The following SEM1 variants were observed in gnomAD, a reference collection of about 807,000 sequenced individuals.
SEM1 encodes SEM1 26S proteasome subunit.
SEM1 carries 3 observed loss-of-function variants against 12.7 expected under a neutral mutation model. That is an observed-to-expected ratio of 0.24 (90% CI 0.11 to 0.61). The LOEUF is 0.61. Among genes scored for constraint, SEM1 ranks in the 20% least tolerant of loss-of-function variants. SEM1 has a pLI of 0.88. For missense variants in SEM1, 59 were observed against 81.3 expected (o/e 0.73, Z 1.06); for synonymous variants, 30 against 27.8 (o/e 1.08, Z -0.25).
intron 2 of SEM1, chr7:96,637,410 A>C (rs1808462030): frequency 6.6e-6 from 1 of 152,002 alleles, no homozygotes; most frequent in South Asian, 2.1e-4. Flanking sequence ...AAGCCAATAC[A>C]AGCAAGGTGT....
rs377410050 is a variant in SEM1, at chr7:96,600,494, A to T, written c.171-93796T>A. ...ATATGCCAAGCATTTGGCATTTATT[A>T]TCCCATTTAATCCTCATCTATGATG... On this transcript the variant is annotated intron_variant and NMD_transcript_variant, in intron 2 of 3. Coordinates refer to the SEM1 transcript ENST00000466986. Among the ~76,000 whole-genome samples, 31 of 152,310 alleles carry T rather than the reference A, an allele frequency of 2.0e-4. No homozygotes were observed. In the South Asian group the frequency reaches 6.2e-3, roughly 31 times the overall value.
intron 2 of SEM1, among the ~76,000 whole-genome samples, chr7:96,507,674 A>G (rs1803800704): frequency 6.6e-6 from 1 of 152,028 alleles, no homozygotes; most frequent in South Asian, 2.1e-4. Context: ...TTCATTCCCT[A>G]TTATCCTCTT....
chr7:96,595,039 T>C (rs1436646890), intron 2 of SEM1, among the ~76,000 whole-genome samples: 1 of 152,184 alleles, frequency 6.6e-6, no homozygotes. Flanking sequence ...TGAAATATTA[T>C]AGCTCATATA....
chr7:96,626,857 T>C (rs1033061082), intron 2 of SEM1, among the ~76,000 whole-genome samples: 7 of 152,082 alleles, frequency 4.6e-5, no homozygotes, highest in African/African-American at 1.7e-4. Flanking sequence ...TTGAGTAGAA[T>C]TGGTATTAGT....
intron 2 of SEM1, among the ~76,000 whole-genome samples, chr7:96,651,193 G>A (rs1381867205): frequency 6.6e-6 from 1 of 152,074 alleles, no homozygotes; most frequent in Non-Finnish European, 1.5e-5. Flanking sequence ...AATAAATTAG[G>A]GATCAAGAGA....
intron 2 of SEM1, among the ~76,000 whole-genome samples, chr7:96,646,737 T>C (rs1478071030): frequency 6.6e-6 from 1 of 152,200 alleles, no homozygotes; most frequent in Non-Finnish European, 1.5e-5. Context: ...TGGTGATATA[T>C]ACTTGAGAGA....
chr7:96,676,054 A>G (rs1034876513), intron 2 of SEM1, among the ~76,000 whole-genome samples: 1 of 152,252 alleles, frequency 6.6e-6, no homozygotes, highest in Admixed American at 6.5e-5. Flanking sequence ...AAGAGAATCC[A>G]GCAAAAGAAA....
At chr7:96,532,742 C>G (rs74640258) in intron 2 of SEM1, among the ~76,000 whole-genome samples, 2 of 152,182 alleles carry the variant, frequency 1.3e-5, no homozygotes, top group South Asian at 4.1e-4. Context: ...AATGCATTAT[C>G]GTACTTGCTA....
intron 2 of SEM1, among the ~76,000 whole-genome samples, chr7:96,508,233 T>A (rs1268162520): frequency 2.6e-5 from 4 of 152,092 alleles, no homozygotes; most frequent in Non-Finnish European, 4.4e-5. Flanking sequence ...GGGGAATCAA[T>A]ATTCTCTGTA....
At chr7:96,635,613 G>C (rs1808405143) in intron 2 of SEM1, among the ~76,000 whole-genome samples, 5 of 152,032 alleles carry the variant, frequency 3.3e-5, no homozygotes, top group Admixed American at 3.3e-4. Context: ...GCTAAATCCT[G>C]TGGATAGTTG....
chr7:96,583,327 G>A (rs537618826), intron 2 of SEM1, among the ~76,000 whole-genome samples: 1 of 144,502 alleles, frequency 6.9e-6, no homozygotes, highest in South Asian at 2.5e-4. Context: ...TTGCACTGTG[G>A]TCTGAGAGAT....
intron 2 of SEM1, among the ~76,000 whole-genome samples, chr7:96,546,371 T>C (rs1458610028): frequency 6.6e-6 from 1 of 152,084 alleles, no homozygotes; most frequent in African/African-American, 2.4e-5. Flanking sequence ...TCAAACCAAT[T>C]GTCACATACC....
At chr7:96,573,671 C>T (rs190912672) in intron 2 of SEM1, among the ~76,000 whole-genome samples, 78 of 152,154 alleles carry the variant, frequency 5.1e-4, no homozygotes, top group Admixed American at 2.9e-3. Context: ...GTGGGTAATC[C>T]GACCTTTCTC....
At chr7:96,532,324 C>T (rs1375157544) in intron 2 of SEM1, among the ~76,000 whole-genome samples, 1 of 151,970 alleles carries the variant, frequency 6.6e-6, no homozygotes, top group Non-Finnish European at 1.5e-5. Context: ...AAAAAAAAAC[C>T]CTCTGATTCC....
intron 1 of SEM1, among the ~76,000 whole-genome samples, chr7:96,491,634 G>A (rs985748645): frequency 8.5e-5 from 13 of 152,154 alleles, no homozygotes; most frequent in African/African-American, 2.7e-4. Context: ...TTACTGCTGC[G>A]TTTTCCTGAT....
At chr7:96,588,371 C>CG (rs1208102233) in intron 2 of SEM1, among the ~76,000 whole-genome samples, 2 of 112,210 alleles carry the variant, frequency 1.8e-5, no homozygotes, top group Non-Finnish European at 3.5e-5. Context: ...CACACACACA[C>CG]ACACACACAC....
chr7:96,606,117 T>C (rs1524923), intron 2 of SEM1, among the ~76,000 whole-genome samples: 19,081 of 152,292 alleles, frequency 0.13, 1,256 homozygotes, highest in Non-Finnish European at 0.14. Flanking sequence ...TTATTAGTTA[T>C]TGTTGTTAAT....
intron 2 of SEM1, among the ~76,000 whole-genome samples, chr7:96,680,650 G>T (rs997953360): frequency 1.3e-5 from 2 of 152,088 alleles, no homozygotes; most frequent in African/African-American, 4.8e-5. Context: ...GTAACAAAGA[G>T]GGTAGGAGTA....
chr7:96,675,774 A>G (rs1048491991), intron 2 of SEM1, among the ~76,000 whole-genome samples: 2 of 152,162 alleles, frequency 1.3e-5, no homozygotes, highest in Non-Finnish European at 2.9e-5. Context: ...TGAGTGATGC[A>G]AAGGAAGAGG....
Sources: allele counts gnomAD v4.1 joint callset (sites outside exome capture counted in the v4.1 genomes callset), GRCh38; gene constraint gnomAD v4.1.1; transcripts MANE v1.5; gene names NCBI Gene and HGNC (gene_info 2026-07-23, HGNC 2026-07-21).